The following MORC1 variants were observed in gnomAD, a reference collection of about 807,000 sequenced individuals.
MORC1 encodes MORC family CW-type zinc finger 1.
In MORC1, 59 loss-of-function variants were observed where a neutral mutation model predicts 134.9. The observed-to-expected ratio is 0.44, with a 90% CI of 0.35 to 0.54. The LOEUF (loss-of-function observed/expected upper bound fraction) is 0.54. Ranked by LOEUF, MORC1 falls within the 20% of genes least tolerant of loss-of-function variation. The pLI, the probability that MORC1 is intolerant of heterozygous loss-of-function variation, is 0.00. For synonymous variants in MORC1, 395 were observed against 391.7 expected, an observed-to-expected ratio of 1.01 and a Z score of -0.10; for missense variants, 947 against 1,134.5, an observed-to-expected ratio of 0.83 and a Z score of 2.37.
At chr3:108,973,594 G>GTTTTT (rs1559863612) in intron 24 of MORC1, among the ~76,000 whole-genome samples, 2 of 123,396 alleles carry the variant, frequency 1.6e-5, no homozygotes, top group Non-Finnish European at 3.5e-5. Context: ...GCTTTGTTTT[G>GTTTTT]GTTTTTTTTT....
At chr3:108,971,524 C>G (rs1947379456) in intron 24 of MORC1, 122 bp from the exon 25 acceptor site, 2 of 770,684 alleles carry the variant, frequency 2.6e-6, no homozygotes, top group Non-Finnish European at 4.2e-6. Context: ...CATTAGTTCC[C>G]CCCAAACATT....
intron 23 of MORC1, among the ~76,000 whole-genome samples, chr3:108,981,867 C>T (rs1947734478): frequency 1.3e-5 from 2 of 152,138 alleles, no homozygotes; most frequent in Non-Finnish European, 2.9e-5. Flanking sequence ...ATGACTAAAA[C>T]ACCAAAAGCA....
chr3:108,997,896 C>T (rs143792799), intron 21 of MORC1, among the ~76,000 whole-genome samples: 6 of 152,108 alleles, frequency 3.9e-5, no homozygotes, highest in African/African-American at 7.2e-5. Flanking sequence ...GACTGATAGA[C>T]ATTTATTGAT....
intron 26 of MORC1, among the ~76,000 whole-genome samples, chr3:108,968,014 TG>T (rs1265268616): frequency 1.3e-5 from 2 of 152,182 alleles, no homozygotes; most frequent in Non-Finnish European, 2.9e-5. Flanking sequence ...CTACCAAAGT[TG>T]TGAGGATAAA....
At chr3:108,982,262 A>C (rs1273309908) in intron 23 of MORC1, among the ~76,000 whole-genome samples, 1 of 152,150 alleles carries the variant, frequency 6.6e-6, no homozygotes, top group African/African-American at 2.4e-5. Context: ...AACATGCTGG[A>C]GAGGATGTGG....
At chr3:109,116,405 A>G (rs1410605210) in intron 1 of MORC1, among the ~76,000 whole-genome samples, 2 of 152,146 alleles carry the variant, frequency 1.3e-5, no homozygotes, top group East Asian at 3.9e-4. Flanking sequence ...GAAAGCATGC[A>G]CTCTGGATTG....
chr3:109,028,850 G>A (rs1185330587), intron 16 of MORC1, among the ~76,000 whole-genome samples: 3 of 152,142 alleles, frequency 2.0e-5, no homozygotes, highest in Non-Finnish European at 2.9e-5. Flanking sequence ...CAGTAGTGTC[G>A]TAAGACGCTG....
intron 16 of MORC1, among the ~76,000 whole-genome samples, chr3:109,030,177 C>T (rs918513884): frequency 1.2e-4 from 19 of 152,270 alleles, no homozygotes; most frequent in African/African-American, 4.1e-4. Context: ...ACTTTTCACC[C>T]CATTACTCCG....
chr3:108,987,918 C>G (rs1472664729), intron 21 of MORC1, among the ~76,000 whole-genome samples: 1 of 151,842 alleles, frequency 6.6e-6, no homozygotes, highest in Non-Finnish European at 1.5e-5. Flanking sequence ...AAGGCAAAAG[C>G]TCCTGTCTGC....
intron 16 of MORC1, among the ~76,000 whole-genome samples, chr3:109,031,712 C>A (rs984812388): frequency 2.6e-5 from 4 of 152,098 alleles, no homozygotes; most frequent in Non-Finnish European, 5.9e-5. Flanking sequence ...GTCCCTGGAG[C>A]TCTAGGCTTT....
intron 14 of MORC1, among the ~76,000 whole-genome samples, chr3:109,047,487 C>T (rs1320654499): frequency 1.3e-5 from 2 of 151,410 alleles, no homozygotes; most frequent in African/African-American, 2.4e-5. Context: ...TAAGTGCTTT[C>T]AATGGTAGTA....
intron 26 of MORC1, among the ~76,000 whole-genome samples, chr3:108,967,837 G>A (rs920776864): frequency 1.2e-4 from 18 of 151,690 alleles, no homozygotes; most frequent in South Asian, 4.2e-4. Flanking sequence ...AAAAACAAGC[G>A]ACACGAAAAT....
At chr3:109,001,350 C>G (rs1948400923) in intron 20 of MORC1, among the ~76,000 whole-genome samples, 1 of 152,184 alleles carries the variant, frequency 6.6e-6, no homozygotes, top group African/African-American at 2.4e-5. Context: ...ATTTCTTCAT[C>G]TTCCACTTAG....
intron 17 of MORC1, among the ~76,000 whole-genome samples, chr3:109,021,541 G>C (rs920989658): frequency 3.9e-5 from 6 of 152,144 alleles, no homozygotes; most frequent in Admixed American, 6.5e-5. Context: ...GACAGCATTT[G>C]GTCACTTCTG....
At chr3:108,960,178 C>T (rs921661387) in intron 27 of MORC1, among the ~76,000 whole-genome samples, 1 of 152,196 alleles carries the variant, frequency 6.6e-6, no homozygotes, top group Non-Finnish European at 1.5e-5. Flanking sequence ...CTTGTTCATG[C>T]TCTAACTGGA....
At chr3:109,080,541 T>A (rs1013824646) in intron 8 of MORC1, among the ~76,000 whole-genome samples, 3 of 152,158 alleles carry the variant, frequency 2.0e-5, no homozygotes, top group African/African-American at 7.2e-5. Context: ...ATTTAATTAC[T>A]ATGATATATT....
At chr3:109,096,000 T>C (rs1950825025) in intron 6 of MORC1, among the ~76,000 whole-genome samples, 1 of 151,854 alleles carries the variant, frequency 6.6e-6, no homozygotes, top group Non-Finnish European at 1.5e-5. Flanking sequence ...AGAGAACAAA[T>C]AATTATAAAC....
intron 21 of MORC1, among the ~76,000 whole-genome samples, chr3:108,991,837 A>C (rs532480980): frequency 6.6e-6 from 1 of 152,236 alleles, no homozygotes; most frequent in Non-Finnish European, 1.5e-5. Context: ...TTTTTGTTCC[A>C]GATTGCCATC....
At chr3:109,009,972 G>A (rs1054438375) in intron 17 of MORC1, among the ~76,000 whole-genome samples, 1 of 152,022 alleles carries the variant, frequency 6.6e-6, no homozygotes, top group African/African-American at 2.4e-5. Context: ...ATCATTTTCT[G>A]TGTAACTAAT....
Sources: gnomAD v4.1 joint callset for allele counts (sites outside exome capture counted in the v4.1 genomes callset) on GRCh38, gnomAD v4.1.1 for gene constraint, MANE v1.5 for transcripts, NCBI Gene and HGNC (gene_info 2026-07-23, HGNC 2026-07-21) for gene names.